NTM: variants seen among roughly 807,000 people sequenced by gnomAD.
NTM encodes IgLON family member 2.
In NTM, 13 loss-of-function variants were observed where a neutral mutation model predicts 42.1. That is an observed-to-expected ratio of 0.31 (90% CI 0.20 to 0.49). The LOEUF (loss-of-function observed/expected upper bound fraction) is 0.49. Among genes scored for constraint, NTM ranks in the 20% least tolerant of loss-of-function variants. The pLI is 0.99. For synonymous variants in NTM, 187 were observed against 179.2 expected, an observed-to-expected ratio of 1.04 and a Z score of -0.35; for missense variants, 373 against 452.8, an observed-to-expected ratio of 0.82 and a Z score of 1.60.
intron 3 of NTM, among the ~76,000 whole-genome samples, chr11:132,187,915 C>T (rs960524516): frequency 7.2e-5 from 11 of 152,208 alleles, no homozygotes; most frequent in African/African-American, 2.7e-4. Context: ...GAATTGCAAT[C>T]TGTCCCTCTG....
chr11:131,401,799 A>AATATATAT (rs61167647), intron 1 of NTM, among the ~76,000 whole-genome samples: 6 of 35,002 alleles, frequency 1.7e-4, no homozygotes, highest in Non-Finnish European at 2.1e-4. Flanking sequence ...GGCCACTGGA[A>AATATATAT]ATATATATAT....
rs769636381 is a variant in NTM, at chr11:131,909,054, G to A, written c.83-2510G>A. On this transcript the variant is annotated intron_variant, in intron 1 of 8. Coordinates refer to ENST00000683400, the MANE Select transcript of NTM (RefSeq NM_001352005.2). Reference sequence around the variant, plus strand: ...TTTAATATCAGAAAAGTCACCGGAGGAGAGGAGGGAACAATTGGCCCAATG... The same window carrying A: ...TTTAATATCAGAAAAGTCACCGGAGAAGAGGAGGGAACAATTGGCCCAATG... 3.1e-4 allele frequency among the ~76,000 whole-genome samples: 47 copies of A among 152,196 alleles called. 1 individual carries two copies. The highest frequency in any genetic ancestry group is 1.3e-4 in the Admixed American group (2 of 15,290).
intron 4 of NTM, among the ~76,000 whole-genome samples, chr11:132,256,585 T>C (rs918057092): frequency 5.3e-5 from 8 of 152,060 alleles, no homozygotes; most frequent in African/African-American, 1.7e-4. Flanking sequence ...ATGACATTCC[T>C]AAAGAGAGGT....
intron 1 of NTM, among the ~76,000 whole-genome samples, chr11:131,886,278 C>T (rs2050378727): frequency 1.3e-5 from 2 of 152,184 alleles, no homozygotes; most frequent in Non-Finnish European, 2.9e-5. Context: ...TTAATAAAAC[C>T]AAGCCCCCAC....
intron 1 of NTM, among the ~76,000 whole-genome samples, chr11:131,792,321 G>A (rs2136154656): frequency 2.6e-5 from 4 of 152,288 alleles, no homozygotes; most frequent in Admixed American, 2.6e-4. Flanking sequence ...GTGTCCTGGA[G>A]TAAGTTTGGG....
chr11:131,453,765 T>C (rs1403855007), intron 1 of NTM, among the ~76,000 whole-genome samples: 1 of 152,178 alleles, frequency 6.6e-6, no homozygotes, highest in African/African-American at 2.4e-5. Context: ...CTCTAATGTT[T>C]GCTCAGCATT....
rs937247295 is a variant in NTM, at chr11:132,003,630, A to C, written c.167+91982A>C. Among the ~76,000 whole-genome samples, 5 of 152,228 alleles carry C rather than the reference A, an allele frequency of 3.3e-5. No homozygotes were observed. Among genetic ancestry groups the C allele is most frequent in the South Asian group, 2.1e-4 (1 of 4,816 alleles). On this transcript the variant is annotated intron_variant, in intron 2 of 8. Coordinates refer to ENST00000683400, the MANE Select transcript of NTM (RefSeq NM_001352005.2). The surrounding 1 kb of genome is among the most constrained non-coding windows in gnomAD (Gnocchi z 6.0). ...CACTTTGAGAATGTGCTTTCAGCTC[A>C]GCTCTGTTGTTCACTCAAGAAGAAA... is the stretch of plus-strand genomic sequence containing the variant.
At chr11:132,067,697 C>A (rs1048854648) in intron 2 of NTM, among the ~76,000 whole-genome samples, 1 of 152,196 alleles carries the variant, frequency 6.6e-6, no homozygotes, top group Non-Finnish European at 1.5e-5. Flanking sequence ...GGAATAATCC[C>A]CTGAGGCTAA....
intron 1 of NTM, among the ~76,000 whole-genome samples, chr11:131,492,577 C>T (rs1954916362): frequency 6.6e-6 from 1 of 152,138 alleles, no homozygotes; most frequent in Non-Finnish European, 1.5e-5. Flanking sequence ...CAGCCATGGC[C>T]CCGGTCTACC....
chr11:131,931,537 T>C (rs1235844635), intron 2 of NTM, among the ~76,000 whole-genome samples: 2 of 150,704 alleles, frequency 1.3e-5, no homozygotes, highest in Non-Finnish European at 3.0e-5. Context: ...CACACACTGA[T>C]TTGTTTAGGC....
chr11:132,310,167 G>A lies in NTM; in HGVS notation c.717G>A (p.Gly239=), dbSNP rs2095239016. ...KGTGVPVGQK[G]TLQCEASAVP... Reference sequence around the variant, plus strand: ...CAGGTGTCCCCGTGGGACAAAAGGGGACACTGCAGTGTGAAGCCTCAGCAG... The same window carrying A: ...CAGGTGTCCCCGTGGGACAAAAGGGAACACTGCAGTGTGAAGCCTCAGCAG... The change falls in exon 6 of 9, where the codon GGG becomes GGA. Residue 239 remains glycine (G), a synonymous_variant. Transcript: ENST00000683400. 1 of 1,611,438 alleles carries A rather than the reference G, an allele frequency of 6.2e-7. No homozygotes were observed. The highest frequency in any genetic ancestry group is 8.5e-7 in the Non-Finnish European group (1 of 1,178,988).
chr11:131,960,704 G>A (rs2062064115), intron 2 of NTM, among the ~76,000 whole-genome samples: 1 of 152,204 alleles, frequency 6.6e-6, no homozygotes, highest in Admixed American at 6.5e-5. Flanking sequence ...GATTTATGGA[G>A]TGGTTCTATG....
chr11:131,638,629 A>AATTG (rs2064743332), intron 1 of NTM, among the ~76,000 whole-genome samples: 1 of 151,186 alleles, frequency 6.6e-6, no homozygotes, highest in African/African-American at 2.4e-5. Context: ...ACTTTTCTGG[A>AATTG]ATTGCTCTGA....
chr11:132,191,965 T>A (rs552129877), intron 3 of NTM, among the ~76,000 whole-genome samples: 35 of 152,186 alleles, frequency 2.3e-4, no homozygotes, highest in African/African-American at 5.8e-4. Context: ...GGCAAAAAAA[T>A]TTTTTTAAAG....
intron 1 of NTM, among the ~76,000 whole-genome samples, chr11:131,657,207 A>T (rs555785398): frequency 1.3e-5 from 2 of 151,382 alleles, no homozygotes; most frequent in African/African-American, 2.4e-5. Context: ...GTGGAGGCCC[A>T]GCATCAAGCG....
At chr11:131,419,099 C>G (rs1565481993) in intron 1 of NTM, among the ~76,000 whole-genome samples, 2 of 152,144 alleles carry the variant, frequency 1.3e-5, no homozygotes, top group African/African-American at 2.4e-5. Flanking sequence ...ATCCATCCCT[C>G]AAAAAAATGG....
At chr11:132,050,879 G>T (rs2078758462) in intron 2 of NTM, among the ~76,000 whole-genome samples, 1 of 152,190 alleles carries the variant, frequency 6.6e-6, no homozygotes, top group Non-Finnish European at 1.5e-5. Context: ...ATACTTACAT[G>T]TCTTGCCTCC....
intron 1 of NTM, among the ~76,000 whole-genome samples, chr11:131,381,471 A>G (rs1269765665): frequency 1.3e-5 from 2 of 152,368 alleles, no homozygotes; most frequent in East Asian, 3.9e-4. Context: ...AGAATTAACT[A>G]ATCATTCTAC....
At chr11:131,592,211 T>C (rs2059423278) in intron 1 of NTM, among the ~76,000 whole-genome samples, 1 of 152,194 alleles carries the variant, frequency 6.6e-6, no homozygotes. Flanking sequence ...TACTGGGCTC[T>C]GCTAAAAAAT....
Sources: gnomAD v4.1 joint callset for allele counts (sites outside exome capture counted in the v4.1 genomes callset) on GRCh38, gnomAD v4.1.1 for gene constraint, Gnocchi (gnomAD v3.1) non-coding constraint, MANE v1.5 for transcripts, NCBI Gene and HGNC (gene_info 2026-07-23, HGNC 2026-07-21) for gene names.